SYNJ2: variants seen among roughly 807,000 people sequenced by gnomAD.
The protein encoded by SYNJ2 is polyphosphatidylinositol phosphatase SYNJ2.
SYNJ2 carries 116 observed loss-of-function variants against 141.3 expected under a neutral mutation model. The observed-to-expected ratio is 0.82, with a 90% CI of 0.71 to 0.96. The LOEUF (loss-of-function observed/expected upper bound fraction) is 0.96. SYNJ2 is among the 40% of genes least tolerant of loss of function. SYNJ2 has a pLI of 0.00. For missense variants in SYNJ2, 1,873 were observed against 1,934.8 expected, an observed-to-expected ratio of 0.97 and a Z score of 0.60; for synonymous variants, 745 against 777.7, an observed-to-expected ratio of 0.96 and a Z score of 0.70.
intron 1 of SYNJ2, among the ~76,000 whole-genome samples, chr6:157,996,223 C>A (rs1028373580): frequency 1.3e-5 from 2 of 152,114 alleles, no homozygotes. Context: ...GTCATTCTGA[C>A]GCCCCTTCCT....
rs748084597 is a variant in SYNJ2, at chr6:158,040,863, C to G, written c.712-2453C>G. 5.3e-5 allele frequency among the ~76,000 whole-genome samples: 8 copies of G among 152,170 alleles called. No individual in the cohort carries two copies. Among genetic ancestry groups the G allele is most frequent in the Non-Finnish European group, 1.0e-4 (7 of 68,022 alleles). ...GCCTGGCCTCATCACAGCACTGGCA[C>G]GGGCCTCCGACTTTTCTTCCCGTGG... On this transcript the variant is annotated intron_variant, in intron 4 of 26. Coordinates refer to ENST00000355585, the MANE Select transcript of SYNJ2 (RefSeq NM_003898.4). The surrounding 1 kb of genome is among the most constrained non-coding windows in gnomAD (Gnocchi z 4.2).
At chr6:158,007,997 G>T (rs935030849) in intron 1 of SYNJ2, among the ~76,000 whole-genome samples, 3 of 152,032 alleles carry the variant, frequency 2.0e-5, no homozygotes, top group African/African-American at 2.4e-5. Context: ...TCACTGTGTT[G>T]CCCAGTCTTG....
At chr6:157,983,645 TGTA>T (rs1348906875) in intron 1 of SYNJ2, among the ~76,000 whole-genome samples, 4 of 152,152 alleles carry the variant, frequency 2.6e-5, no homozygotes, top group African/African-American at 9.7e-5. Context: ...ATGACAGTAA[TGTA>T]GTGCATATTT....
chr6:157,988,880 A>G (rs1406650370), intron 1 of SYNJ2, among the ~76,000 whole-genome samples: 1 of 152,120 alleles, frequency 6.6e-6, no homozygotes, highest in Non-Finnish European at 1.5e-5. Flanking sequence ...CACTGTGGAC[A>G]GGAGGCTGTC....
chr6:158,058,061 G>GA (rs1172155950), intron 6 of SYNJ2, among the ~76,000 whole-genome samples: 4 of 151,792 alleles, frequency 2.6e-5, no homozygotes, highest in South Asian at 2.1e-4. Flanking sequence ...TACTGCATAA[G>GA]AAAAAAAATG....
chr6:158,076,506 T>C, intron 16 of SYNJ2, 120 bp from the exon 17 acceptor site: 1 of 1,152,530 alleles, frequency 8.7e-7, no homozygotes, highest in Non-Finnish European at 1.2e-6. Context: ...GATTTTCAAA[T>C]GTAATGGAGC....
In SYNJ2 at chr6:158,066,359, C is replaced by T. The variant is rs969358383; in HGVS notation, c.1526-85C>T. ...CTAGAGGCTCATGAACCATCTGTCT[C>T]TGCCAGGCAGCCTCATCTGTCTTTT... On this transcript the variant is annotated intron_variant, in intron 11 of 26. Coordinates refer to ENST00000355585, the MANE Select transcript of SYNJ2 (RefSeq NM_003898.4). The T allele has an allele frequency of 4.0e-6, 6 of 1,496,168 alleles. No homozygotes were observed. The African/African-American group carries it at 8.3e-5, about 21-fold the overall frequency. 92.7% of individuals were successfully genotyped at this position (1,496,168 alleles called of 1,614,324 possible).
chr6:158,062,293 C>T (rs980119396), intron 8 of SYNJ2, 129 bp downstream of exon 8: 2 of 1,416,392 alleles, frequency 1.4e-6, no homozygotes, highest in Non-Finnish European at 1.9e-6. Flanking sequence ...AGGACATGTG[C>T]CCTATGAGGG....
At chr6:158,069,804 A>G (rs1781802586) in intron 14 of SYNJ2, 131 bp downstream of exon 14, 1 of 1,172,558 alleles carries the variant, frequency 8.5e-7, no homozygotes, top group Admixed American at 3.1e-5. Context: ...ATTTTAGATA[A>G]ATGTAGCAAA....
rs551486657 is a variant in SYNJ2, at chr6:158,080,482, A to T, written c.2568-627A>T. 2.1e-3 allele frequency among the ~76,000 whole-genome samples: 104 copies of T among 49,408 alleles called. No homozygotes were observed. The South Asian group carries it at 0.022, about 10-fold the overall frequency. 32.4% of individuals were successfully genotyped at this position (49,408 alleles called of 152,430 possible). On this transcript the variant is annotated intron_variant, in intron 18 of 26. Transcript: ENST00000355585. ...AGAGGGAGACTCTGACTCAAAATAA[A>T]AAAAAAAAAAAAAACGAGCATTTCC...
At chr6:158,016,883 C>A (rs1232492003) in intron 1 of SYNJ2, among the ~76,000 whole-genome samples, 1 of 152,102 alleles carries the variant, frequency 6.6e-6, no homozygotes, top group Non-Finnish European at 1.5e-5. Context: ...TGGACAGGGA[C>A]AGCAAGGTAG....
At chr6:157,983,077 C>T (rs996974111) in intron 1 of SYNJ2, among the ~76,000 whole-genome samples, 2 of 152,200 alleles carry the variant, frequency 1.3e-5, no homozygotes, top group Admixed American at 6.5e-5. Context: ...CAAGGTGCAG[C>T]CCGGGGTCAC....
chr6:158,004,854 A>G (rs546005888), intron 1 of SYNJ2, among the ~76,000 whole-genome samples: 1 of 151,322 alleles, frequency 6.6e-6, no homozygotes, highest in Admixed American at 6.6e-5. Context: ...TCTCGCTGTC[A>G]TTTCTCACTA....
In SYNJ2 at chr6:158,067,802, G is replaced by C. The variant is rs142177533; in HGVS notation, c.1718-845G>C. 2.2e-4 allele frequency: 212 copies of C among 985,270 alleles called. No homozygotes were observed. The African/African-American group carries it at 3.5e-3, about 16-fold the overall frequency. 61.0% of individuals were successfully genotyped at this position (985,270 alleles called of 1,614,324 possible). A position where few individuals can be genotyped will look rare whatever the true frequency, so the allele number is the denominator to read the frequency against. On this transcript the variant is annotated intron_variant, in intron 12 of 26. Coordinates refer to ENST00000355585, the MANE Select transcript of SYNJ2 (RefSeq NM_003898.4). ...CCATTCAGAGCCACTGGGGCTCTCT[G>C]TGTCGGTGGTAGCCTGGGTTGCTGC...
chr6:158,065,128 C>T, intron 11 of SYNJ2, 137 bp downstream of exon 11: 1 of 1,121,264 alleles, frequency 8.9e-7, no homozygotes, highest in East Asian at 2.6e-5. Context: ...CACCTTGCAG[C>T]TGTCACTGCC....
intron 18 of SYNJ2, among the ~76,000 whole-genome samples, chr6:158,080,894 G>T (rs998029700): frequency 3.3e-5 from 5 of 152,178 alleles, no homozygotes; most frequent in African/African-American, 1.2e-4. Flanking sequence ...AGACTAAAAC[G>T]CCAGAGCAGG....
chr6:158,063,854 G>A lies in SYNJ2; in HGVS notation c.1191G>A (p.Gln397=), dbSNP rs771221426. 26 of 1,613,594 alleles carry A rather than the reference G, an allele frequency of 1.6e-5. No individual in the cohort carries two copies. The highest frequency in any genetic ancestry group is 2.2e-5 in the Non-Finnish European group (26 of 1,179,800). The change falls in exon 9 of 27, where the codon CAG becomes CAA. Residue 397 remains glutamine (Q), a synonymous_variant. Transcript: ENST00000355585. ...LDCLDRTNTV[Q]SFIALEVLHL... ...GCCTGGACCGAACCAACACTGTGCA[G>A]AGCTTCATCGCGCTCGAGGTGCGTC...
In SYNJ2 at chr6:158,033,577, C is replaced by G; in HGVS notation, c.608C>G (p.Ala203Gly). The G allele has an allele frequency of 6.2e-7, 1 of 1,614,086 alleles. No individual in the cohort carries two copies. Among genetic ancestry groups the G allele is most frequent in the Non-Finnish European group, 8.5e-7 (1 of 1,180,052 alleles). ...TATGCCTCCCACAAGCAGGCCAAGGCCTGCCTCGTCTCTCGCGTTAGCTGT... is the reference window on the plus strand; with the variant it reads ...TATGCCTCCCACAAGCAGGCCAAGGGCTGCCTCGTCTCTCGCGTTAGCTGT... ...TVYASHKQAK[A>G]CLVSRVSCER... The change falls in exon 4 of 27, where the codon GCC (alanine) becomes GGC (glycine). Residue 203 changes from alanine (A) to glycine (G), a missense_variant. Physicochemically the swap from Ala to Gly is moderately conservative, Grantham distance 60. Coordinates refer to ENST00000355585, the MANE Select transcript of SYNJ2 (RefSeq NM_003898.4).
Position 158,069,520 on chromosome 6 carries a change from T to C in SYNJ2, c.1800-13T>C, listed in dbSNP as rs1302356494. The C allele has an allele frequency of 6.2e-7, 1 of 1,608,868 alleles. No homozygotes were observed. The highest frequency in any genetic ancestry group is 8.5e-7 in the Non-Finnish European group (1 of 1,176,486). ...GCTACCTGTAAACAGCATCCTTTCC[T>C]TTTCTCTTCCAGTACTACCAACAAG... On this transcript the variant is annotated splice_polypyrimidine_tract_variant and intron_variant, in intron 13 of 26. Transcript: ENST00000355585.
Sources: allele counts gnomAD v4.1 joint callset (sites outside exome capture counted in the v4.1 genomes callset), GRCh38; gene constraint gnomAD v4.1.1; non-coding constraint Gnocchi (gnomAD v3.1); transcripts MANE v1.5; gene names NCBI Gene and HGNC (gene_info 2026-07-23, HGNC 2026-07-21).